GNG12: variants seen among roughly 807,000 people sequenced by gnomAD.
GNG12 encodes the protein guanine nucleotide-binding protein G(I)/G(S)/G(O) subunit gamma-12.
For missense variants in GNG12, 69 were observed against 83.8 expected, an observed-to-expected ratio of 0.82 and a Z score of 0.69; for synonymous variants, 28 against 29.7, an observed-to-expected ratio of 0.94 and a Z score of 0.19.
intron 2 of GNG12, among the ~76,000 whole-genome samples, chr1:67,746,611 T>C (rs938176725): frequency 1.3e-5 from 2 of 152,168 alleles, no homozygotes; most frequent in African/African-American, 4.8e-5. Flanking sequence ...TCTCCATCCC[T>C]GTGGTCTAAA....
At chr1:67,779,424 G>A (rs982755362) in intron 1 of GNG12, among the ~76,000 whole-genome samples, 3 of 152,116 alleles carry the variant, frequency 2.0e-5, no homozygotes, top group Non-Finnish European at 4.4e-5. Flanking sequence ...TAGGTTTTAG[G>A]ATCAAGGCCA....
At chr1:67,786,935 A>ATATATGTG (rs1332684243) in intron 1 of GNG12, among the ~76,000 whole-genome samples, 30 of 133,468 alleles carry the variant, frequency 2.2e-4, no homozygotes, top group East Asian at 1.5e-3. Context: ...TTATATATAT[A>ATATATGTG]TGTGTGTGTG....
chr1:67,778,304 C>A (rs895072492), intron 1 of GNG12, among the ~76,000 whole-genome samples: 2 of 152,040 alleles, frequency 1.3e-5, no homozygotes, highest in Non-Finnish European at 2.9e-5. Flanking sequence ...AGATTCAGTA[C>A]GTCTCAACTT....
Position 67,702,715 on chromosome 1 carries a change from C to A in GNG12, c.*2736G>T, listed in dbSNP as rs1409929737. On this transcript the variant is annotated 3_prime_UTR_variant, in exon 4 of 4. Coordinates refer to ENST00000370982, the MANE Select transcript of GNG12 (RefSeq NM_018841.6). ...GTAAAATACTTCGGAGTCATGAAAT[C>A]ATGCCGTGGTCCTGAGGCCTCAACT... The A allele has an allele frequency of 1.3e-5, 2 of 151,864 alleles. No individual in the cohort carries two copies. Among genetic ancestry groups the A allele is most frequent in the African/African-American group, 4.8e-5 (2 of 41,328 alleles). 9.4% of individuals were successfully genotyped at this position (151,864 alleles called of 1,614,324 possible).
At chr1:67,737,866 T>TTACC (rs1309677399) in intron 2 of GNG12, among the ~76,000 whole-genome samples, 1 of 152,200 alleles carries the variant, frequency 6.6e-6, no homozygotes, top group African/African-American at 2.4e-5. Context: ...TCCACTCCCC[T>TTACC]TACCATTCCT....
chr1:67,758,349 C>A (rs545746428), intron 2 of GNG12, among the ~76,000 whole-genome samples: 2 of 152,326 alleles, frequency 1.3e-5, no homozygotes, highest in South Asian at 4.1e-4. Context: ...AACTAATACA[C>A]CTGGAGAAGG....
intron 2 of GNG12, among the ~76,000 whole-genome samples, chr1:67,748,344 T>C (rs1403727929): frequency 2.6e-5 from 4 of 152,152 alleles, no homozygotes; most frequent in Non-Finnish European, 5.9e-5. Context: ...GTCAATCAGA[T>C]ACAAAAATCA....
chr1:67,791,391 C>G (rs894483249), intron 1 of GNG12, among the ~76,000 whole-genome samples: 2 of 152,074 alleles, frequency 1.3e-5, no homozygotes, highest in Admixed American at 6.5e-5. Flanking sequence ...GCTCTTTGAA[C>G]GTCAGACTTA....
In GNG12 at chr1:67,711,381, G is replaced by C. The variant is rs538728875; in HGVS notation, c.-26-3669C>G. ...GAGTGCCACAAATATGAGACTCAAA[G>C]TGGTCAGATGATGAAAGCTCACATA... On this transcript the variant is annotated intron_variant, in intron 2 of 3. Transcript: ENST00000370982. Among the ~76,000 whole-genome samples, 23 of 151,554 alleles carry C rather than the reference G, an allele frequency of 1.5e-4. No individual in the cohort carries two copies. In the South Asian group the frequency reaches 4.4e-3, roughly 29 times the overall value.
intron 2 of GNG12, among the ~76,000 whole-genome samples, chr1:67,718,510 T>G (rs539014923): frequency 6.6e-6 from 1 of 152,246 alleles, no homozygotes; most frequent in Non-Finnish European, 1.5e-5. Context: ...TTGGACATGA[T>G]AGTGGCTGCC....
At chr1:67,723,884 C>T (rs189171956) in intron 2 of GNG12, among the ~76,000 whole-genome samples, 82 of 152,162 alleles carry the variant, frequency 5.4e-4, no homozygotes, top group African/African-American at 1.8e-3. Flanking sequence ...AGTCACTTTA[C>T]GGGGTAAAAG....
Position 67,705,724 on chromosome 1 carries a change from G to T in GNG12, c.94-148C>A, listed in dbSNP as rs80227853. ...AAGCATCACTCTCAGATTCTTGTCA[G>T]GTATAAAAAGGAAATGGTACCTTTA... On this transcript the variant is annotated intron_variant, in intron 3 of 3. Coordinates refer to ENST00000370982, the MANE Select transcript of GNG12 (RefSeq NM_018841.6). 1,365 of 1,340,006 alleles carry T rather than the reference G, an allele frequency of 1.0e-3. 14 individuals carry two copies. The African/African-American group carries it at 0.018, about 18-fold the overall frequency. The allele number at this position is 1,340,006 out of a possible 1,614,324, so 83.0% of individuals were successfully genotyped here.
chr1:67,770,707 G>A (rs1037556245), intron 2 of GNG12, among the ~76,000 whole-genome samples: 9 of 152,170 alleles, frequency 5.9e-5, no homozygotes, highest in Admixed American at 5.2e-4. Flanking sequence ...AGGCAGCCAG[G>A]AGAGAAAAAA....
chr1:67,718,798 C>T (rs1182901450), intron 2 of GNG12, among the ~76,000 whole-genome samples: 1 of 152,106 alleles, frequency 6.6e-6, no homozygotes, highest in African/African-American at 2.4e-5. Context: ...CCAGGAACCC[C>T]CAGGAAAAGT....
intron 2 of GNG12, among the ~76,000 whole-genome samples, chr1:67,729,126 G>A (rs763641258): frequency 2.6e-5 from 4 of 151,998 alleles, no homozygotes; most frequent in African/African-American, 4.8e-5. Context: ...CCCATGTTCC[G>A]GGCTGACATC....
chr1:67,710,996 A>C (rs1445084088), intron 2 of GNG12, among the ~76,000 whole-genome samples: 1 of 152,206 alleles, frequency 6.6e-6, no homozygotes, highest in Non-Finnish European at 1.5e-5. Flanking sequence ...CTTCAGGCAT[A>C]GCCTAGCCCC....
chr1:67,794,453 C>T (rs1646818435), intron 1 of GNG12, among the ~76,000 whole-genome samples: 1 of 152,196 alleles, frequency 6.6e-6, no homozygotes, highest in South Asian at 2.1e-4. Flanking sequence ...AGGCACAGAA[C>T]TGTGACGGCC....
chr1:67,807,099 A>G (rs1646898188), intron 1 of GNG12, among the ~76,000 whole-genome samples: 1 of 152,230 alleles, frequency 6.6e-6, no homozygotes, highest in Non-Finnish European at 1.5e-5. Flanking sequence ...CTTTTAGACA[A>G]CAATGAAATT....
chr1:67,755,727 G>T (rs1646563936), intron 2 of GNG12, among the ~76,000 whole-genome samples: 1 of 152,076 alleles, frequency 6.6e-6, no homozygotes, highest in East Asian at 1.9e-4. Context: ...GTGCAAAGTG[G>T]ATACTCAAAA....
Sources: gnomAD v4.1 joint callset for allele counts (sites outside exome capture counted in the v4.1 genomes callset) on GRCh38, gnomAD v4.1.1 for gene constraint, MANE v1.5 for transcripts, NCBI Gene and HGNC (gene_info 2026-07-23, HGNC 2026-07-21) for gene names.